The following NDUFS2 variants were observed in gnomAD, a reference collection of about 807,000 sequenced individuals.
The protein encoded by NDUFS2 is NADH dehydrogenase [ubiquinone] iron-sulfur protein 2, mitochondrial.
In NDUFS2, 38 loss-of-function variants were observed where a neutral mutation model predicts 69.6. The observed-to-expected ratio is 0.55, with a 90% CI of 0.42 to 0.72. The LOEUF is 0.72. Ranked by LOEUF, NDUFS2 falls within the 30% of genes least tolerant of loss-of-function variation. The pLI, the probability that NDUFS2 is intolerant of heterozygous loss-of-function variation, is 0.00. For synonymous variants in NDUFS2, 194 were observed against 211.2 expected, an observed-to-expected ratio of 0.92 and a Z score of 0.70; for missense variants, 468 against 595.0, an observed-to-expected ratio of 0.79 and a Z score of 2.22.
At position 161,209,549 on chromosome 1, in the gene NDUFS2, T is replaced by C. The variant is rs1226765272; in HGVS notation, c.581T>C (p.Leu194Pro). 3 of 1,613,212 alleles carry C rather than the reference T, an allele frequency of 1.9e-6. No homozygotes were observed. Among genetic ancestry groups the C allele is most frequent in the Admixed American group, 1.7e-5 (1 of 59,922 alleles). Residue 194 changes from leucine (L) to proline (P), a missense_variant, in exon 5 of 14, where the codon CTT becomes CCT. Leu to Pro is a moderately conservative substitution (Grantham distance 98). This residue lies in a region of NDUFS2 where 339 missense variants were observed against 433.8 expected (regional missense o/e 0.78). Transcript: ENST00000676972. ...IMAVTTHALD[L>P]GAMTPFFWLF... is the part of the protein sequence containing the mutation. ...GCTGTGACCACACATGCCCTGGACC[T>C]TGGGGCCATGACCCCTTTCTTCTGG...
upstream of NDUFS2, chr1:161,198,619 C>A: frequency 1.3e-6 from 2 of 1,523,044 alleles, no homozygotes; most frequent in East Asian, 2.4e-5. This position sits in a 1 kb window ranked among gnomAD's most constrained non-coding sequence, Gnocchi z 4.7. Flanking sequence ...GCGAGCCTGT[C>A]TGGGACATGG....
At chr1:161,210,733 G>A (rs1159516304) in intron 9 of NDUFS2, 23 bp downstream of exon 9, 2 of 1,613,838 alleles carry the variant, frequency 1.2e-6, no homozygotes, top group Admixed American at 3.3e-5. Context: ...TCCTTTCTTG[G>A]CTGATATTCC....
chr1:161,200,929 A>G (rs1665089168), upstream of NDUFS2, among the ~76,000 whole-genome samples: 1 of 152,108 alleles, frequency 6.6e-6, no homozygotes, highest in Non-Finnish European at 1.5e-5. Context: ...GCCCCTCAGG[A>G]GCCCCCCACC....
At chr1:161,202,052 G>C (rs1454988366), upstream of NDUFS2, 3 of 430,572 alleles carry the variant, frequency 7.0e-6, no homozygotes, top group South Asian at 2.1e-5. Context: ...GGAAGGAAGC[G>C]CCGCGCGTTT....
chr1:161,202,198 G>A (rs1244677777), upstream of NDUFS2: 1 of 646,814 alleles, frequency 1.5e-6, no homozygotes, highest in African/African-American at 1.8e-5. Context: ...AGATGACCGC[G>A]GTCACTGTTA....
At chr1:161,210,763 A>T (rs924834477) in intron 9 of NDUFS2, 53 bp downstream of exon 9, 14 of 1,611,708 alleles carry the variant, frequency 8.7e-6, no homozygotes, top group Non-Finnish European at 1.2e-5. Context: ...CCCCTGCCTC[A>T]CTCTTCTCTT....
rs767974450 is a variant in NDUFS2 at position 161,210,691 on chromosome 1, C to T, written c.967C>T (p.Arg323Ter). The T allele has an allele frequency of 6.2e-7, 1 of 1,614,018 alleles. No individual in the cohort carries two copies. The highest frequency in any genetic ancestry group is 8.5e-7 in the Non-Finnish European group (1 of 1,179,962). ...TGAGTTTGATGTTCCTGTTGGTTCT[C>T]GAGGGGACTGCTATGATAGGTAAGG... ...QVEFDVPVGS[R>*]GDCYDRYLCR... The change falls in exon 9 of 14, where the codon CGA (arginine) becomes TGA (stop). Residue 323 changes from arginine (R) to a stop codon, truncating the protein, a stop_gained. Transcript: ENST00000676972. LOFTEE classifies it high-confidence loss of function.
At chr1:161,203,569 A>G (rs748622970) in intron 2 of NDUFS2, 26 bp downstream of exon 2, 10 of 1,553,634 alleles carry the variant, frequency 6.4e-6, no homozygotes, top group Middle Eastern at 2.0e-4. Flanking sequence ...TGCTGTCCCA[A>G]CCCACACCCA....
At chr1:161,198,420 T>TGCC (rs779398773), upstream of NDUFS2, 27 of 1,599,874 alleles carry the variant, frequency 1.7e-5, no homozygotes, top group Middle Eastern at 2.3e-3. The surrounding 1 kb of genome is among the most constrained non-coding windows in gnomAD (Gnocchi z 4.7). Context: ...GGCAGGACGC[T>TGCC]GCCGTTGAGC....
chr1:161,200,073 C>T (rs2102023202), upstream of NDUFS2, among the ~76,000 whole-genome samples: 1 of 152,158 alleles, frequency 6.6e-6, no homozygotes, highest in Non-Finnish European at 1.5e-5. Context: ...CTGGGAGAAT[C>T]CCCACCTGGC....
chr1:161,208,465 T>C (rs1401331751), intron 3 of NDUFS2, among the ~76,000 whole-genome samples: 1 of 152,058 alleles, frequency 6.6e-6, no homozygotes, highest in African/African-American at 2.4e-5. Context: ...CACGCCCTGC[T>C]AATTTTGTAT....
upstream of NDUFS2, chr1:161,197,934 G>A: frequency 2.0e-6 from 3 of 1,511,394 alleles, no homozygotes; most frequent in African/African-American, 1.4e-5. Flanking sequence ...GGGTGAATAG[G>A]GGTCAGTAGG....
Position 161,209,211 on chromosome 1 carries a change from C to T in NDUFS2, c.412C>T (p.Arg138Trp), listed in dbSNP as rs1665634865. The change falls in exon 4 of 14, where the codon CGG becomes TGG. Residue 138 changes from arginine to tryptophan, a missense_variant. By Grantham distance (101) the Arg-to-Trp change is moderately radical. Around this residue, in one of 3 missense-constraint regions of NDUFS2, gnomAD observed 339 missense variants for 433.8 expected, o/e 0.78. Coordinates refer to ENST00000676972, the MANE Select transcript of NDUFS2 (RefSeq NM_001377299.1). ...TYLQALPYFD[R>W]LDYVSMMCNE... ...TTCCCAGGCCCTTCCATACTTTGAC[C>T]GGCTAGACTATGTGTCCATGATGTG... is the stretch of plus-strand genomic sequence containing the variant. The T allele has an allele frequency of 6.2e-6, 10 of 1,614,122 alleles. No individual in the cohort carries two copies. Among genetic ancestry groups the T allele is most frequent in the Non-Finnish European group, 8.5e-6 (10 of 1,180,022 alleles).
chr1:161,198,564 G>A, upstream of NDUFS2: 1 of 1,558,428 alleles, frequency 6.4e-7, no homozygotes, highest in Non-Finnish European at 8.7e-7. The surrounding 1 kb of genome is among the most constrained non-coding windows in gnomAD (Gnocchi z 4.7). Flanking sequence ...AGGAGGCAGG[G>A]TTGGGCTCCC....
upstream of NDUFS2, chr1:161,198,703 T>G: frequency 7.4e-7 from 1 of 1,350,856 alleles, no homozygotes; most frequent in Non-Finnish European, 9.8e-7. The surrounding 1 kb of genome is among the most constrained non-coding windows in gnomAD (Gnocchi z 4.7). Flanking sequence ...TTTGGAAAGC[T>G]CCTCTCTGTA....
chr1:161,202,313 A>G, upstream of NDUFS2: 3 of 1,456,832 alleles, frequency 2.1e-6, no homozygotes, highest in African/African-American at 1.4e-5. Context: ...CGAATAGGTG[A>G]GAAGCCAAGA....
upstream of NDUFS2, chr1:161,197,884 A>G: frequency 6.9e-7 from 1 of 1,453,850 alleles, no homozygotes; most frequent in South Asian, 1.4e-5. Context: ...GGCAGAAGGG[A>G]GGGAAGCAGA....
intron 13 of NDUFS2, 24 bp from the exon 14 acceptor site, chr1:161,214,132 T>G (rs1222438280): frequency 6.2e-7 from 1 of 1,613,856 alleles, no homozygotes; most frequent in East Asian, 2.2e-5. Context: ...TAACATCACT[T>G]TTTTCCTCCA....
upstream of NDUFS2, chr1:161,198,941 C>T (rs1284191956): frequency 1.6e-5 from 5 of 321,036 alleles, no homozygotes; most frequent in Non-Finnish European, 2.8e-5. The surrounding 1 kb of genome is among the most constrained non-coding windows in gnomAD (Gnocchi z 4.7). Flanking sequence ...CTGTCTGGGC[C>T]GCTTCTGTGC....
Sources: gnomAD v4.1 joint callset for allele counts (sites outside exome capture counted in the v4.1 genomes callset) on GRCh38, gnomAD v4.1.1 for gene constraint, gnomAD v4.1.1 regional missense constraint, Gnocchi (gnomAD v3.1) non-coding constraint, MANE v1.5 for transcripts, NCBI Gene and HGNC (gene_info 2026-07-23, HGNC 2026-07-21) for gene names.